The following ASCC3 variants were observed in gnomAD, a reference collection of about 807,000 sequenced individuals.
ASCC3 encodes ASC-1 complex subunit P200.
In ASCC3, 158 loss-of-function variants were observed where a neutral mutation model predicts 256.3. That is an observed-to-expected ratio of 0.62 (90% CI 0.54 to 0.70). The LOEUF is 0.70. Ranked by LOEUF, ASCC3 falls within the 30% of genes least tolerant of loss-of-function variation. The pLI is 0.00. For missense variants in ASCC3, 2,259 were observed against 2,626.0 expected (o/e 0.86, Z 3.05); for synonymous variants, 948 against 883.4 (o/e 1.07, Z -1.30).
In ASCC3 at chr6:100,784,473, GA is replaced by G. The variant is rs1233149211; in HGVS notation, c.1395+14239del. 7.2e-5 allele frequency among the ~76,000 whole-genome samples: 11 copies of G among 151,876 alleles called. No homozygotes were observed. The South Asian group carries it at 1.7e-3, about 23-fold the overall frequency. On this transcript the variant is annotated intron_variant, in intron 8 of 41. Transcript: ENST00000369162. ...CTTGCTTTAACATCATTTACAATAA[GA>G]AAAAAACAGACACAAGCTGAATATC...
chr6:100,536,765 C>A (rs746837537), intron 37 of ASCC3, among the ~76,000 whole-genome samples: 20 of 152,158 alleles, frequency 1.3e-4, no homozygotes, highest in Non-Finnish European at 4.4e-5. Flanking sequence ...CATGCCCAGT[C>A]CAGATTTTAG....
At chr6:100,741,237 T>C (rs1033461555) in intron 10 of ASCC3, among the ~76,000 whole-genome samples, 2 of 152,244 alleles carry the variant, frequency 1.3e-5, no homozygotes, top group Admixed American at 6.5e-5. Flanking sequence ...GTAGGTTTTC[T>C]ACTAAGAGGT....
At chr6:100,591,891 T>C (rs1210068557) in intron 34 of ASCC3, among the ~76,000 whole-genome samples, 1 of 151,962 alleles carries the variant, frequency 6.6e-6, no homozygotes. Context: ...AAATAATATT[T>C]AAAACTATCA....
intron 8 of ASCC3, among the ~76,000 whole-genome samples, chr6:100,778,751 C>T (rs944017356): frequency 1.3e-5 from 2 of 152,050 alleles, no homozygotes; most frequent in Non-Finnish European, 2.9e-5. Flanking sequence ...TCTAATCATG[C>T]AACAGCCTCT....
Position 100,605,693 on chromosome 6 carries a change from G to A in ASCC3, c.5052C>T (p.Leu1684=). 6.2e-7 allele frequency: 1 copy of A among 1,613,396 alleles called. No individual in the cohort carries two copies. The change falls in exon 33 of 42, where the codon CTC becomes CTT. Residue 1684 remains leucine (L), a synonymous_variant. Coordinates refer to ENST00000369162, the MANE Select transcript of ASCC3 (RefSeq NM_006828.4). ...RYVDFPITDV[L]QMMGRAGRPQ... ...GCCTCCCAGCACGCCCCATCATCTGGAGGACATCTTTAAAAGAGAGAACAA... is the reference window on the plus strand; with the variant it reads ...GCCTCCCAGCACGCCCCATCATCTGAAGGACATCTTTAAAAGAGAGAACAA...
intron 8 of ASCC3, among the ~76,000 whole-genome samples, chr6:100,787,701 A>G (rs1769158732): frequency 6.6e-6 from 1 of 152,132 alleles, no homozygotes; most frequent in Non-Finnish European, 1.5e-5. Context: ...CAAACGTTTA[A>G]CAAACATGCA....
At chr6:100,557,644 C>T (rs1394237724) in intron 36 of ASCC3, among the ~76,000 whole-genome samples, 1 of 141,006 alleles carries the variant, frequency 7.1e-6, no homozygotes, top group Non-Finnish European at 1.5e-5. Flanking sequence ...TCACTTTTAA[C>T]CTAATTTTAT....
chr6:100,620,867 T>C (rs956649743), intron 30 of ASCC3, among the ~76,000 whole-genome samples: 4 of 152,150 alleles, frequency 2.6e-5, no homozygotes, highest in African/African-American at 9.7e-5. Context: ...AGTTTTCCTA[T>C]TAATTATTTA....
At chr6:100,813,473 CAAA>C (rs369888101) in intron 4 of ASCC3, among the ~76,000 whole-genome samples, 5,996 of 149,134 alleles carry the variant, frequency 0.04, 144 homozygotes, top group African/African-American at 0.058. Flanking sequence ...ACAACAACAA[CAAA>C]AAAAAAACAC....
In ASCC3 at chr6:100,660,811, T is replaced by C. The variant is rs558064305; in HGVS notation, c.2703+995A>G. Among the ~76,000 whole-genome samples, 120 of 151,848 alleles carry C rather than the reference T, an allele frequency of 7.9e-4. 2 individuals are homozygous for C. Among genetic ancestry groups the C allele is most frequent in the South Asian group, 3.3e-3 (16 of 4,830 alleles). On this transcript the variant is annotated intron_variant, in intron 16 of 41. Coordinates refer to ENST00000369162, the MANE Select transcript of ASCC3 (RefSeq NM_006828.4). The stretch of plus-strand genomic sequence containing the variant: ...CTTTCCTGATAGCCTGGGAGAAACC[T>C]ATTTTCTCCTTCTGCTGAATCCTTC...
chr6:100,818,835 G>GACAA (rs57848478), intron 4 of ASCC3, among the ~76,000 whole-genome samples: 85,548 of 146,834 alleles, frequency 0.58, 25,416 homozygotes, highest in East Asian at 0.72. Context: ...CATTAGAAGT[G>GACAA]ACAAGTTGAG....
chr6:100,588,505 A>C (rs1771823219), intron 36 of ASCC3, among the ~76,000 whole-genome samples: 1 of 152,018 alleles, frequency 6.6e-6, no homozygotes, highest in African/African-American at 2.4e-5. Flanking sequence ...TATATTTTGT[A>C]CTCTTCTATC....
chr6:100,801,268 A>T (rs1311780594), intron 5 of ASCC3, among the ~76,000 whole-genome samples: 2 of 152,074 alleles, frequency 1.3e-5, no homozygotes, highest in Non-Finnish European at 1.5e-5. Flanking sequence ...AACTAGAAGG[A>T]ATGTAGTTGA....
At chr6:100,563,683 C>G (rs368350691) in intron 36 of ASCC3, among the ~76,000 whole-genome samples, 6 of 152,018 alleles carry the variant, frequency 3.9e-5, no homozygotes, top group African/African-American at 1.4e-4. Context: ...TCAGAACAAT[C>G]CCATATGTAA....
chr6:100,723,896 ATTTATAAT>A lies in ASCC3; in HGVS notation c.1902+1635_1902+1642del, dbSNP rs1193588764. Among the ~76,000 whole-genome samples, 14 of 123,126 alleles carry A rather than the reference ATTTATAAT, an allele frequency of 1.1e-4. No individual in the cohort carries two copies. The East Asian group carries it at 1.2e-3, about 10-fold the overall frequency. 80.8% of individuals were successfully genotyped at this position (123,126 alleles called of 152,430 possible). ...TATATATATATATATATATATATAT[ATTTATAAT>A]TATATATATGACACATATATATAAT... On this transcript the variant is annotated intron_variant, in intron 11 of 41. Transcript: ENST00000369162.
chr6:100,724,935 T>C (rs1055099325), intron 11 of ASCC3, among the ~76,000 whole-genome samples: 5 of 151,980 alleles, frequency 3.3e-5, no homozygotes, highest in African/African-American at 1.2e-4. Context: ...CGTCTACTGA[T>C]ACTAGTCAGC....
At chr6:100,867,696 T>G (rs535425066) in intron 2 of ASCC3, among the ~76,000 whole-genome samples, 75 of 152,154 alleles carry the variant, frequency 4.9e-4, no homozygotes, top group Non-Finnish European at 8.4e-4. Context: ...TTATCATAGT[T>G]CTGATTATTC....
chr6:100,622,864 C>A (rs1038766609), intron 30 of ASCC3, among the ~76,000 whole-genome samples: 1 of 151,894 alleles, frequency 6.6e-6, no homozygotes. Context: ...GAGCTAACTA[C>A]AATTCTTTAG....
intron 5 of ASCC3, among the ~76,000 whole-genome samples, chr6:100,803,810 T>A (rs1208997481): frequency 6.6e-6 from 1 of 152,142 alleles, no homozygotes; most frequent in African/African-American, 2.4e-5. Context: ...CATTTCCTTT[T>A]AGTGTCATAA....
Sources: gnomAD v4.1 joint callset for allele counts (sites outside exome capture counted in the v4.1 genomes callset) on GRCh38, gnomAD v4.1.1 for gene constraint, MANE v1.5 for transcripts, NCBI Gene and HGNC (gene_info 2026-07-23, HGNC 2026-07-21) for gene names.